ELP2: variants seen among roughly 807,000 people sequenced by gnomAD.
ELP2 encodes elongator complex protein 2.
A neutral mutation model predicts 119.2 loss-of-function variants in ELP2; 90 were observed. The ratio of observed to expected loss-of-function variants is 0.75; its 90% CI spans 0.64 to 0.90. ELP2 has a LOEUF of 0.90. Among genes scored for constraint, ELP2 ranks in the 40% least tolerant of loss-of-function variants. The pLI is 0.00. For synonymous variants in ELP2, 339 were observed against 331.0 expected, an observed-to-expected ratio of 1.02 and a Z score of -0.26; for missense variants, 921 against 967.8, an observed-to-expected ratio of 0.95 and a Z score of 0.64.
At chr18:36,143,156 C>T (rs972466430) in intron 8 of ELP2, among the ~76,000 whole-genome samples, 190 bp downstream of exon 8, 2 of 151,484 alleles carry the variant, frequency 1.3e-5, no homozygotes, top group South Asian at 4.2e-4. Flanking sequence ...AGTGCAGTGG[C>T]GTGAGCTTGG....
chr18:36,168,604 A>T (rs1405090441), intron 19 of ELP2, among the ~76,000 whole-genome samples: 1 of 152,172 alleles, frequency 6.6e-6, no homozygotes, highest in Non-Finnish European at 1.5e-5. Flanking sequence ...TCATGAGAAG[A>T]GCATGGAGGT....
chr18:36,130,806 A>G (rs1199475189), intron 1 of ELP2, among the ~76,000 whole-genome samples: 1 of 152,226 alleles, frequency 6.6e-6, no homozygotes, highest in Non-Finnish European at 1.5e-5. Context: ...AAAATGTTGA[A>G]AATTCAAATA....
At chr18:36,166,903 A>G in intron 18 of ELP2, 198 bp from the exon 19 acceptor site, 1 of 404,454 alleles carries the variant, frequency 2.5e-6, no homozygotes, top group South Asian at 5.5e-5. Flanking sequence ...GTACAAAAGC[A>G]TTCCCTACTA....
intron 3 of ELP2, among the ~76,000 whole-genome samples, chr18:36,136,930 TTC>T (rs1187472051): frequency 3.9e-5 from 6 of 152,196 alleles, no homozygotes; most frequent in African/African-American, 1.2e-4. Flanking sequence ...TTTTTAAAAA[TTC>T]TCTGATTGAG....
chr18:36,160,792 C>T, intron 16 of ELP2, 140 bp from the exon 17 acceptor site: 1 of 635,876 alleles, frequency 1.6e-6, no homozygotes, highest in Non-Finnish European at 2.8e-6. Context: ...CAAATGTTTG[C>T]CTAGACAAAC....
chr18:36,167,335 C>G, intron 19 of ELP2, 113 bp downstream of exon 19: 1 of 754,952 alleles, frequency 1.3e-6, no homozygotes, highest in Non-Finnish European at 2.0e-6. Flanking sequence ...TAAAAATCAG[C>G]TATGTATTCC....
At chr18:36,174,200 TA>T (rs1267028663) in intron 21 of ELP2, among the ~76,000 whole-genome samples, 15 of 152,214 alleles carry the variant, frequency 9.9e-5, no homozygotes, top group Admixed American at 3.3e-4. Flanking sequence ...AACATTCATT[TA>T]AAAAAATTTT....
At chr18:36,149,053 A>G (rs929581287) in intron 11 of ELP2, among the ~76,000 whole-genome samples, 3 of 152,226 alleles carry the variant, frequency 2.0e-5, no homozygotes, top group African/African-American at 7.2e-5. Context: ...CATCTGGGAT[A>G]ATTAAGCTAA....
At position 36,180,525 on chromosome 18, in the gene ELP2, T is replaced by C. The variant is rs574987910; in HGVS notation, c.*5884T>C. On this transcript the variant is annotated 3_prime_UTR_variant, in exon 22 of 22. Transcript: ENST00000358232. ...CAGTAATTTGTATCTGGTACTATTA[T>C]GATTAAATAAAGCTCTGCTCGTGTC... 47 of 152,376 alleles carry C rather than the reference T, an allele frequency of 3.1e-4. No individual in the cohort carries two copies. The highest frequency in any genetic ancestry group is 1.1e-3 in the African/African-American group (44 of 41,582). The allele number at this position is 152,376 out of a possible 1,614,324, so 9.4% of individuals were successfully genotyped here.
In ELP2 at chr18:36,180,461, A is replaced by C. The variant is rs984070391; in HGVS notation, c.*5820A>C. ...TGAGAATTAAATGAGCCAATATATG[A>C]AAAACACTAGTTTGGTCCCTGGGAT... On this transcript the variant is annotated 3_prime_UTR_variant, in exon 22 of 22. Coordinates refer to ENST00000358232, the MANE Select transcript of ELP2 (RefSeq NM_018255.4). 3.3e-5 allele frequency: 5 copies of C among 152,222 alleles called. No individual in the cohort carries two copies. The highest frequency in any genetic ancestry group is 1.2e-4 in the African/African-American group (5 of 41,452). 9.4% of individuals were successfully genotyped at this position (152,222 alleles called of 1,614,324 possible).
At chr18:36,161,809 C>T (rs1345524871) in intron 17 of ELP2, among the ~76,000 whole-genome samples, 1 of 152,004 alleles carries the variant, frequency 6.6e-6, no homozygotes, top group Admixed American at 6.6e-5. Flanking sequence ...TGCTGTGCTT[C>T]CCCTACACCC....
chr18:36,169,082 G>A (rs1349440529), intron 19 of ELP2, among the ~76,000 whole-genome samples: 2 of 151,342 alleles, frequency 1.3e-5, no homozygotes, highest in African/African-American at 4.9e-5. Context: ...CCACCACCAT[G>A]CCCGGCTAAT....
intron 18 of ELP2, among the ~76,000 whole-genome samples, chr18:36,166,600 G>C (rs965036106): frequency 6.6e-6 from 1 of 152,064 alleles, no homozygotes; most frequent in Non-Finnish European, 1.5e-5. Context: ...CCAAAAGTGT[G>C]GGGATTACAG....
At chr18:36,166,197 C>CA (rs11450650) in intron 18 of ELP2, among the ~76,000 whole-genome samples, 55,040 of 148,454 alleles carry the variant, frequency 0.37, 10,172 homozygotes, top group Middle Eastern at 0.45. Flanking sequence ...CGTCCCCCTG[C>CA]AAAAAAAAAT....
intron 19 of ELP2, among the ~76,000 whole-genome samples, chr18:36,169,388 CT>C (rs34958735): frequency 0.64 from 90,042 of 140,472 alleles, 28,279 homozygotes; most frequent in East Asian, 0.82. Context: ...CTGATAAGTT[CT>C]TTTTTTTTTT....
At chr18:36,149,259 A>G (rs1488788804) in intron 11 of ELP2, among the ~76,000 whole-genome samples, 1 of 152,048 alleles carries the variant, frequency 6.6e-6, no homozygotes. Flanking sequence ...TGGCAGTAAT[A>G]CAAGTCAAGC....
intron 20 of ELP2, 118 bp downstream of exon 20, chr18:36,170,314 T>C: frequency 7.7e-7 from 1 of 1,300,988 alleles, no homozygotes; most frequent in Non-Finnish European, 1.1e-6. Context: ...TTTTTTTCTT[T>C]TTTTTTTTTT....
intron 2 of ELP2, 81 bp from the exon 3 acceptor site, chr18:36,136,226 G>GT (rs2089819050): frequency 9.5e-7 from 1 of 1,057,930 alleles, no homozygotes; most frequent in South Asian, 1.3e-5. Context: ...CAGGGGTATT[G>GT]TTTTTTGGTG....
rs1893270 is a variant in ELP2, at chr18:36,136,140, A to T, written c.218-167A>T. Among the ~76,000 whole-genome samples the T allele has an allele frequency of 2.0e-5, 3 of 152,224 alleles. No homozygotes were observed. The East Asian group carries it at 5.8e-4, about 29-fold the overall frequency. On this transcript the variant is annotated intron_variant, in intron 2 of 21. Transcript: ENST00000358232. ...TTTGCCTCCTAAAAGGTGTGTGTGT[A>T]TGTATATAGAGGAAGAGTGAGATAT... is the stretch of plus-strand genomic sequence containing the variant.
Sources: gnomAD v4.1 joint callset for allele counts (sites outside exome capture counted in the v4.1 genomes callset) on GRCh38, gnomAD v4.1.1 for gene constraint, MANE v1.5 for transcripts, NCBI Gene and HGNC (gene_info 2026-07-23, HGNC 2026-07-21) for gene names.